The following THRB variants were observed in gnomAD, a reference collection of about 807,000 sequenced individuals.
THRB encodes thyroid hormone receptor beta, also known as nuclear receptor subfamily 1 group A member 2.
THRB carries 12 observed loss-of-function variants against 47.8 expected under a neutral mutation model. That is an observed-to-expected ratio of 0.25 (90% CI 0.16 to 0.41). The LOEUF (loss-of-function observed/expected upper bound fraction) is 0.41, where lower values mean the gene tolerates loss of function less well. Ranked by LOEUF, THRB falls within the 10% of genes least tolerant of loss-of-function variation. The pLI is 1.00. For missense variants in THRB, 348 were observed against 589.2 expected, an observed-to-expected ratio of 0.59 and a Z score of 4.24; for synonymous variants, 218 against 212.2, an observed-to-expected ratio of 1.03 and a Z score of -0.24.
At chr3:24,275,275 G>C (rs777491143) in intron 3 of THRB, among the ~76,000 whole-genome samples, 2 of 152,146 alleles carry the variant, frequency 1.3e-5, no homozygotes, top group African/African-American at 2.4e-5. Flanking sequence ...AAAATGCTCT[G>C]TGCATTTTCC....
intron 8 of THRB, among the ~76,000 whole-genome samples, chr3:24,140,420 G>A (rs1389530170): frequency 6.6e-6 from 1 of 152,178 alleles, no homozygotes. Context: ...TGGCAGTAGA[G>A]GCTGGTGTCA....
In THRB at chr3:24,121,290, A is replaced by G. The variant is rs552649056; in HGVS notation, c.*1594T>C. The G allele has an allele frequency of 5.2e-5, 8 of 152,754 alleles. No homozygotes were observed. The South Asian group carries it at 1.4e-3, about 28-fold the overall frequency. 9.5% of individuals were successfully genotyped at this position (152,754 alleles called of 1,614,324 possible). ...ACTCAGGCACCCAGACTTCTGGGCC[A>G]GTTATGCTCCACCAAACTTACAAAA... On this transcript the variant is annotated 3_prime_UTR_variant, in exon 11 of 11. Transcript: ENST00000646209.
chr3:24,184,432 C>G (rs2042306933), intron 5 of THRB, among the ~76,000 whole-genome samples: 1 of 152,188 alleles, frequency 6.6e-6, no homozygotes, highest in Admixed American at 6.5e-5. Context: ...CCATCCTCTG[C>G]TCTGTGTGCA....
chr3:24,416,889 TAG>T (rs1480768101), intron 1 of THRB, among the ~76,000 whole-genome samples: 1 of 151,904 alleles, frequency 6.6e-6, no homozygotes, highest in Non-Finnish European at 1.5e-5. Context: ...ATAGACTAGA[TAG>T]AGTTTATTTC....
chr3:24,306,236 TAATA>T (rs1288686343), intron 2 of THRB, among the ~76,000 whole-genome samples: 1 of 152,230 alleles, frequency 6.6e-6, no homozygotes, highest in Non-Finnish European at 1.5e-5. Flanking sequence ...TTCATAACTG[TAATA>T]GATAGCAGCT....
chr3:24,224,382 C>T (rs2047450036), intron 4 of THRB, among the ~76,000 whole-genome samples: 1 of 152,050 alleles, frequency 6.6e-6, no homozygotes, highest in African/African-American at 2.4e-5. Context: ...TGTTTATTGA[C>T]AGCAGGAAAT....
At chr3:24,383,735 C>T (rs2065878995) in intron 1 of THRB, among the ~76,000 whole-genome samples, 1 of 152,106 alleles carries the variant, frequency 6.6e-6, no homozygotes, top group African/African-American at 2.4e-5. Context: ...TGTTTGTATA[C>T]TCATGCAAAG....
chr3:24,135,093 C>T (rs2034449028), intron 8 of THRB, among the ~76,000 whole-genome samples: 1 of 152,152 alleles, frequency 6.6e-6, no homozygotes, highest in African/African-American at 2.4e-5. Context: ...CCAGGGTGTG[C>T]TGATGAAGCT....
At chr3:24,199,592 T>C (rs1236028809) in intron 4 of THRB, among the ~76,000 whole-genome samples, 3 of 152,226 alleles carry the variant, frequency 2.0e-5, no homozygotes, top group Non-Finnish European at 4.4e-5. Context: ...TATATTCCAT[T>C]AGGCAATCAC....
intron 5 of THRB, among the ~76,000 whole-genome samples, chr3:24,167,100 A>G (rs2039745379): frequency 6.6e-6 from 1 of 152,150 alleles, no homozygotes; most frequent in African/African-American, 2.4e-5. Context: ...CTGACTTTTT[A>G]TAAATGTAGT....
At position 24,298,029 on chromosome 3, in the gene THRB, T is replaced by C. The variant is rs540812166; in HGVS notation, c.-188-658A>G. Among the ~76,000 whole-genome samples the C allele has an allele frequency of 7.9e-5, 12 of 152,316 alleles. No homozygotes were observed. In the South Asian group the frequency reaches 2.1e-3, roughly 26 times the overall value. On this transcript the variant is annotated intron_variant, in intron 2 of 10. Coordinates refer to ENST00000646209, the MANE Select transcript of THRB (RefSeq NM_001354712.2). ...ACTTTCTAATAAACTCTTAGGTCAG[T>C]TTGATTCCAGCCCTTAGTTGAAAAC...
At chr3:24,137,623 G>A (rs1343029789) in intron 8 of THRB, among the ~76,000 whole-genome samples, 2 of 152,166 alleles carry the variant, frequency 1.3e-5, no homozygotes, top group Non-Finnish European at 2.9e-5. Context: ...TGTGGTTAGA[G>A]CCCAGTGATG....
At chr3:24,294,938 A>G (rs987605787) in intron 3 of THRB, among the ~76,000 whole-genome samples, 2 of 152,236 alleles carry the variant, frequency 1.3e-5, no homozygotes, top group African/African-American at 4.8e-5. Context: ...TAAAACAAAC[A>G]GGATAGAGAT....
At chr3:24,191,059 T>C (rs1399103101) in intron 4 of THRB, among the ~76,000 whole-genome samples, 1 of 151,948 alleles carries the variant, frequency 6.6e-6, no homozygotes, top group Non-Finnish European at 1.5e-5. Flanking sequence ...TACAGCTGGT[T>C]AATTATTTAT....
intron 1 of THRB, among the ~76,000 whole-genome samples, chr3:24,393,360 C>A (rs6769978): frequency 6.6e-6 from 1 of 151,928 alleles, no homozygotes; most frequent in Non-Finnish European, 1.5e-5. Context: ...TTTACACACT[C>A]GTCTTGCTCA....
chr3:24,243,397 C>T (rs2049777525), intron 3 of THRB, among the ~76,000 whole-genome samples: 2 of 152,218 alleles, frequency 1.3e-5, no homozygotes, highest in South Asian at 2.1e-4. Context: ...TCTCTCCTCT[C>T]CCAGTTTCAG....
intron 4 of THRB, among the ~76,000 whole-genome samples, chr3:24,199,050 A>G (rs1275149536): frequency 6.6e-6 from 1 of 152,230 alleles, no homozygotes; most frequent in African/African-American, 2.4e-5. Flanking sequence ...TACATAGACT[A>G]GGCTCCATAA....
At chr3:24,225,017 G>T (rs2047515516) in intron 4 of THRB, among the ~76,000 whole-genome samples, 1 of 152,166 alleles carries the variant, frequency 6.6e-6, no homozygotes, top group Middle Eastern at 3.4e-3. Flanking sequence ...ACATAAACAG[G>T]TTCTACAATT....
At position 24,155,831 on chromosome 3, in the gene THRB, C is replaced by T. The variant is rs540477325; in HGVS notation, c.284-3341G>A. On this transcript the variant is annotated intron_variant, in intron 5 of 10. Coordinates refer to ENST00000646209, the MANE Select transcript of THRB (RefSeq NM_001354712.2). Reference sequence around the variant, plus strand: ...ACTACAGACACAATCCTGGAAGCTACGACTGTTCATGTCAGGAACTGCATC... The same window carrying T: ...ACTACAGACACAATCCTGGAAGCTATGACTGTTCATGTCAGGAACTGCATC... 1.1e-4 allele frequency among the ~76,000 whole-genome samples: 17 copies of T among 152,314 alleles called. No individual in the cohort carries two copies. The South Asian group carries it at 1.9e-3, about 17-fold the overall frequency.
Sources: allele counts gnomAD v4.1 joint callset (sites outside exome capture counted in the v4.1 genomes callset), GRCh38; gene constraint gnomAD v4.1.1; transcripts MANE v1.5; gene names NCBI Gene and HGNC (gene_info 2026-07-23, HGNC 2026-07-21).